Variants in ZNF610 observed in about 807,000 individuals in gnomAD.
ZNF610 encodes the protein zink finger protein.
ZNF610 carries 14 observed loss-of-function variants against 14.1 expected under a neutral mutation model. The observed-to-expected ratio is 0.99, with a 90% confidence interval of 0.65 to 1.55. The LOEUF is 1.55. Among genes scored for constraint, ZNF610 ranks in the 40% most tolerant of loss-of-function variants. ZNF610 has a pLI of 0.00. For synonymous variants in ZNF610, 185 were observed against 187.6 expected (o/e 0.99, Z 0.11); for missense variants, 530 against 558.0 (o/e 0.95, Z 0.51).
chr19:52,339,740 A>G (rs948141427), intron 1 of ZNF610, among the ~76,000 whole-genome samples: 55 of 151,992 alleles, frequency 3.6e-4, no homozygotes, highest in African/African-American at 1.3e-3. Flanking sequence ...ACACACCACA[A>G]CCATTGCCTC....
chr19:52,354,291 G>A lies in ZNF610; in HGVS notation c.231G>A (p.Lys77=). The A allele has an allele frequency of 6.2e-7, 1 of 1,614,124 alleles. No homozygotes were observed. The highest frequency in any genetic ancestry group is 8.5e-7 in the Non-Finnish European group (1 of 1,180,020). Residue 77 remains lysine, a synonymous_variant, in exon 5 of 6, where the codon AAG becomes AAA. Coordinates refer to ENST00000403906, the MANE Select transcript of ZNF610 (RefSeq NM_001161425.2). The stretch of plus-strand genomic sequence containing the variant: ...ACCTAAGTATTATTTCCATGTTGAA[G>A]CAAAGGAGAGAGCCCTTGATTCTGC... ...LPDLSIISML[K]QRREPLILQS... is the part of the protein sequence containing the mutation.
chr19:52,343,925 C>T (rs530057935), intron 1 of ZNF610, among the ~76,000 whole-genome samples: 5 of 152,102 alleles, frequency 3.3e-5, no homozygotes, highest in Non-Finnish European at 5.9e-5. Flanking sequence ...TTTTGAATTC[C>T]AGTAGTCGAG....
intron 5 of ZNF610, among the ~76,000 whole-genome samples, chr19:52,362,896 TG>T (rs1287614580): frequency 6.6e-6 from 1 of 152,200 alleles, no homozygotes; most frequent in Non-Finnish European, 1.5e-5. Context: ...TGATGTGTTG[TG>T]TATACGTCTG....
In ZNF610 at chr19:52,336,289, C is replaced by T. The variant is rs1984373289; in HGVS notation, c.-475C>T. The T allele has an allele frequency of 3.6e-6, 1 of 279,700 alleles. No homozygotes were observed. The highest frequency in any genetic ancestry group is 3.3e-5 in the South Asian group (1 of 30,374). The allele number at this position is 279,700 out of a possible 1,614,324, so 17.3% of individuals were successfully genotyped here. ...GTGGGTAGAAGGTCACACCGCAGCGCGTCAGTTTCCCTTTGTTTAGATTCA... is the reference window on the plus strand; with the variant it reads ...GTGGGTAGAAGGTCACACCGCAGCGTGTCAGTTTCCCTTTGTTTAGATTCA... On this transcript the variant is annotated 5_prime_UTR_variant, in exon 1 of 6. Transcript: ENST00000403906.
intron 1 of ZNF610, among the ~76,000 whole-genome samples, chr19:52,344,337 A>G (rs760230800): frequency 2.8e-4 from 42 of 151,364 alleles, no homozygotes; most frequent in Non-Finnish European, 5.3e-4. Flanking sequence ...ATAGCCCCCG[A>G]TTTAACACTC....
At position 52,366,106 on chromosome 19, in the gene ZNF610, G is replaced by A. The variant is rs148719154; in HGVS notation, c.728G>A (p.Arg243His). ...ACTGAATGTGGCAAGGTCTTCAGTC[G>A]CAATTCACACCTTGTAGAACATTGG... ...KCTECGKVFS[R>H]NSHLVEHWRI... The change falls in exon 6 of 6, where the codon CGC becomes CAC. Residue 243 changes from arginine (R) to histidine (H), a missense_variant. By Grantham distance (29) the Arg-to-His change is conservative (BLOSUM62 0). Transcript: ENST00000403906. The A allele has an allele frequency of 1.7e-4, 267 of 1,611,942 alleles. No individual in the cohort carries two copies. Among genetic ancestry groups the A allele is most frequent in the Non-Finnish European group, 2.1e-4 (242 of 1,179,414 alleles).
chr19:52,357,922 C>A (rs1002604977), intron 5 of ZNF610, among the ~76,000 whole-genome samples: 2 of 152,136 alleles, frequency 1.3e-5, no homozygotes, highest in African/African-American at 4.8e-5. Context: ...TGGCTTGTGC[C>A]ACCCTCCTGG....
At chr19:52,350,445 A>G (rs1985196109) in intron 3 of ZNF610, among the ~76,000 whole-genome samples, 1 of 152,194 alleles carries the variant, frequency 6.6e-6, no homozygotes, top group African/African-American at 2.4e-5. Context: ...TGGGAGGCCG[A>G]GGCGGACAGA....
At position 52,366,766 on chromosome 19, in the gene ZNF610, G is replaced by T. The variant is rs779018478; in HGVS notation, c.1388G>T (p.Ter463LeuextTer6). The T allele has an allele frequency of 1.9e-5, 31 of 1,602,458 alleles. No homozygotes were observed. The highest frequency in any genetic ancestry group is 2.1e-5 in the Non-Finnish European group (25 of 1,172,442). ...TCACTGCGTACCTTACAGATGGAAT[G>T]AATGTGGCAAAATCTTTAGTTAGAA... is the stretch of plus-strand genomic sequence containing the variant. ...ENSLRTLQME* is the reference protein window; with the variant it reads ...ENSLRTLQMEL The change falls in exon 6 of 6, where the codon TGA becomes TTA. Residue 463 changes from the stop codon to leucine, a stop_lost. Coordinates refer to ENST00000403906, the MANE Select transcript of ZNF610 (RefSeq NM_001161425.2).
intron 5 of ZNF610, among the ~76,000 whole-genome samples, chr19:52,364,549 T>G (rs1178353623): frequency 6.6e-6 from 1 of 152,192 alleles, no homozygotes; most frequent in African/African-American, 2.4e-5. Context: ...TTTTGCTGAA[T>G]ATAGTATTCT....
chr19:52,338,622 A>G (rs1984493194), intron 1 of ZNF610, among the ~76,000 whole-genome samples: 1 of 152,186 alleles, frequency 6.6e-6, no homozygotes, highest in Non-Finnish European at 1.5e-5. Flanking sequence ...TGGAGGTTGC[A>G]GTGGGCCAAG....
At chr19:52,349,440 A>G (rs112974906) in intron 3 of ZNF610, among the ~76,000 whole-genome samples, 15 of 152,194 alleles carry the variant, frequency 9.9e-5, no homozygotes, top group African/African-American at 3.6e-4. Flanking sequence ...ACACCCAGAC[A>G]TGGATGGAGA....
At chr19:52,351,860 C>G (rs1402433823) in intron 3 of ZNF610, among the ~76,000 whole-genome samples, 1 of 152,174 alleles carries the variant, frequency 6.6e-6, no homozygotes. Context: ...TTGTGGTTTC[C>G]TCTGGATGAT....
At chr19:52,351,866 A>G (rs1279321594) in intron 3 of ZNF610, among the ~76,000 whole-genome samples, 2 of 152,174 alleles carry the variant, frequency 1.3e-5, no homozygotes, top group African/African-American at 2.4e-5. Flanking sequence ...TTTCCTCTGG[A>G]TGATGGCGCG....
chr19:52,353,561 GTTT>G, intron 3 of ZNF610, 118 bp from the exon 4 acceptor site: 1 of 1,095,690 alleles, frequency 9.1e-7, no homozygotes. Flanking sequence ...TGGAATTGAA[GTTT>G]CTATGTTTTT....
chr19:52,363,517 A>C (rs1233893931), intron 5 of ZNF610, among the ~76,000 whole-genome samples: 1 of 152,024 alleles, frequency 6.6e-6, no homozygotes, highest in East Asian at 1.9e-4. Flanking sequence ...AATTTTGTGA[A>C]TGTTTCCATC....
Position 52,366,468 on chromosome 19 carries a change from A to G in ZNF610, c.1090A>G (p.Ile364Val), listed in dbSNP as rs776697896. Reference protein sequence around the residue: ...SLLSYLARHQIIHSTEKPYKC... With the variant: ...SLLSYLARHQVIHSTEKPYKC... ...GCTTTCATACCTTGCACGGCATCAA[A>G]TAATTCATAGTACAGAGAAGCCCTA... Residue 364 changes from isoleucine to valine, a missense_variant, in exon 6 of 6, where the codon ATA (isoleucine) becomes GTA (valine). Physicochemically the swap from Ile to Val is conservative, Grantham distance 29. Transcript: ENST00000403906. 7 of 1,614,090 alleles carry G rather than the reference A, an allele frequency of 4.3e-6. No individual in the cohort carries two copies. Among genetic ancestry groups the G allele is most frequent in the Middle Eastern group, 1.6e-4 (1 of 6,084 alleles).
intron 5 of ZNF610, among the ~76,000 whole-genome samples, chr19:52,363,535 T>G (rs1985885443): frequency 6.6e-6 from 1 of 152,186 alleles, no homozygotes; most frequent in Admixed American, 6.5e-5. Flanking sequence ...ATCCTATACT[T>G]AGGGGCTGTG....
chr19:52,352,106 G>T (rs752063490), intron 3 of ZNF610, among the ~76,000 whole-genome samples: 1 of 152,176 alleles, frequency 6.6e-6, no homozygotes, highest in African/African-American at 2.4e-5. Flanking sequence ...GTAGAGTTGC[G>T]AATTTCTTAC....
Sources: gnomAD v4.1 joint callset for allele counts (sites outside exome capture counted in the v4.1 genomes callset) on GRCh38, gnomAD v4.1.1 for gene constraint, MANE v1.5 for transcripts, NCBI Gene and HGNC (gene_info 2026-07-23, HGNC 2026-07-21) for gene names.